Variants in CDH2 observed in about 807,000 individuals in gnomAD.
CDH2 encodes the protein cadherin 2, also known as cadherin-2.
Under a neutral mutation model 92.0 loss-of-function variants are expected in CDH2, and 17 were observed. That is an observed-to-expected ratio of 0.18 (90% CI 0.13 to 0.28). The LOEUF is 0.28. Among genes scored for constraint, CDH2 ranks in the 10% least tolerant of loss-of-function variants. The pLI, the probability that CDH2 is intolerant of heterozygous loss-of-function variation, is 1.00. For missense variants in CDH2, 862 were observed against 1,133.1 expected, an observed-to-expected ratio of 0.76 and a Z score of 3.44; for synonymous variants, 419 against 415.9, an observed-to-expected ratio of 1.01 and a Z score of -0.09.
At chr18:28,083,503 T>C (rs941629653) in intron 2 of CDH2, among the ~76,000 whole-genome samples, 7 of 152,266 alleles carry the variant, frequency 4.6e-5, no homozygotes, top group African/African-American at 1.7e-4. Context: ...TTAGAGATCA[T>C]TTTATGATTA....
At chr18:28,173,119 C>A (rs1488881942) in intron 1 of CDH2, among the ~76,000 whole-genome samples, 6 of 152,070 alleles carry the variant, frequency 3.9e-5, no homozygotes, top group African/African-American at 1.4e-4. Context: ...CAAGAAATAT[C>A]TAAAAAGTAT....
intron 2 of CDH2, among the ~76,000 whole-genome samples, chr18:28,107,393 T>C (rs1045439258): frequency 5.3e-5 from 8 of 152,010 alleles, no homozygotes; most frequent in African/African-American, 1.4e-4. Context: ...GGTATGCATA[T>C]TAAAATGGAA....
intron 2 of CDH2, among the ~76,000 whole-genome samples, chr18:28,070,419 G>A (rs1305630210): frequency 6.6e-6 from 1 of 152,200 alleles, no homozygotes; most frequent in Non-Finnish European, 1.5e-5. Flanking sequence ...GGTGGGATTT[G>A]CACTGGTATG....
intron 2 of CDH2, among the ~76,000 whole-genome samples, chr18:28,017,171 AAT>A (rs1488168035): frequency 2.0e-5 from 3 of 152,072 alleles, no homozygotes; most frequent in African/African-American, 7.2e-5. Flanking sequence ...TATCTTGTGG[AAT>A]AGTGTCAATA....
intron 2 of CDH2, among the ~76,000 whole-genome samples, chr18:28,101,643 T>C (rs1171018241): frequency 6.6e-6 from 1 of 152,166 alleles, no homozygotes; most frequent in South Asian, 2.1e-4. Flanking sequence ...TTTGCTGAAA[T>C]AGCTGTTCTT....
At chr18:28,052,639 C>T (rs945909088) in intron 2 of CDH2, among the ~76,000 whole-genome samples, 1 of 152,084 alleles carries the variant, frequency 6.6e-6, no homozygotes, top group Non-Finnish European at 1.5e-5. Context: ...AAAAGGAAAA[C>T]AGTATTGGAA....
At chr18:28,029,451 G>GT (rs11364889) in intron 2 of CDH2, among the ~76,000 whole-genome samples, 19 of 148,344 alleles carry the variant, frequency 1.3e-4, no homozygotes, top group Middle Eastern at 3.5e-3. Context: ...GCCATCATTG[G>GT]TTTTTTTTTT....
intron 15 of CDH2, among the ~76,000 whole-genome samples, chr18:27,959,138 T>C (rs1381951256): frequency 2.0e-5 from 3 of 152,212 alleles, no homozygotes; most frequent in African/African-American, 7.2e-5. Flanking sequence ...TATCTAACTG[T>C]TGGGCTGAGA....
chr18:28,051,545 T>A (rs1378563433), intron 2 of CDH2, among the ~76,000 whole-genome samples: 1 of 152,190 alleles, frequency 6.6e-6, no homozygotes. Context: ...CTTATTTCTA[T>A]CAGGAGTGCT....
At chr18:28,039,684 A>G in intron 2 of CDH2, among the ~76,000 whole-genome samples, 1 of 152,132 alleles carries the variant, frequency 6.6e-6, no homozygotes, top group East Asian at 1.9e-4. Flanking sequence ...CACAGTCTGT[A>G]TCGTGTGTTT....
At chr18:28,006,274 T>C (rs1436603197) in intron 5 of CDH2, among the ~76,000 whole-genome samples, 1 of 152,174 alleles carries the variant, frequency 6.6e-6, no homozygotes, top group African/African-American at 2.4e-5. Flanking sequence ...TTTTCAGCAT[T>C]TGAAGATGAA....
intron 2 of CDH2, among the ~76,000 whole-genome samples, chr18:28,119,599 T>C (rs895598028): frequency 1.3e-5 from 2 of 152,142 alleles, no homozygotes; most frequent in Non-Finnish European, 2.9e-5. Flanking sequence ...TCAATTATAA[T>C]GCAAATATAG....
chr18:28,110,752 AATGAAAAAGACACCTAT>A (rs2144252966), intron 2 of CDH2, among the ~76,000 whole-genome samples: 1 of 152,296 alleles, frequency 6.6e-6, no homozygotes, highest in East Asian at 1.9e-4. Context: ...CAAGAATTCA[AATGAAAAAGACACCTAT>A]ATCTATATAG....
At chr18:28,004,575 T>C (rs1020956971) in intron 6 of CDH2, among the ~76,000 whole-genome samples, 5 of 152,116 alleles carry the variant, frequency 3.3e-5, no homozygotes, top group Non-Finnish European at 7.4e-5. Flanking sequence ...TAAACAATTT[T>C]TGTGAAACTA....
chr18:27,987,002 T>C (rs567243661), intron 11 of CDH2, among the ~76,000 whole-genome samples: 2 of 152,352 alleles, frequency 1.3e-5, no homozygotes, highest in South Asian at 2.1e-4. Context: ...TCTAGCCTTG[T>C]GGCTTAAAGG....
intron 1 of CDH2, among the ~76,000 whole-genome samples, chr18:28,166,844 A>G (rs960060058): frequency 2.0e-5 from 3 of 152,020 alleles, no homozygotes; most frequent in Non-Finnish European, 4.4e-5. Flanking sequence ...ATCTAGAGCT[A>G]CTAAACCATT....
chr18:28,140,912 CTATA>C (rs764490634), intron 2 of CDH2, among the ~76,000 whole-genome samples: 1 of 131,028 alleles, frequency 7.6e-6, no homozygotes, highest in Admixed American at 7.8e-5. Context: ...ATATATATAC[CTATA>C]TATATATATA....
chr18:28,037,950 T>C (rs970131638), intron 2 of CDH2, among the ~76,000 whole-genome samples: 1 of 152,004 alleles, frequency 6.6e-6, no homozygotes, highest in Non-Finnish European at 1.5e-5. Context: ...CAGGAATGGG[T>C]AGCTAATAGT....
chr18:28,108,580 G>A (rs187131928), intron 2 of CDH2, among the ~76,000 whole-genome samples: 1 of 152,118 alleles, frequency 6.6e-6, no homozygotes, highest in Admixed American at 6.6e-5. Flanking sequence ...AATTTATGAG[G>A]AATTTCATAA....
Sources: gnomAD v4.1 joint callset for allele counts (sites outside exome capture counted in the v4.1 genomes callset) on GRCh38, gnomAD v4.1.1 for gene constraint, MANE v1.5 for transcripts, NCBI Gene and HGNC (gene_info 2026-07-23, HGNC 2026-07-21) for gene names.